ARMC9: variants seen among roughly 807,000 people sequenced by gnomAD.
The protein encoded by ARMC9 is lisH domain-containing protein ARMC9.
Under a neutral mutation model 107.0 loss-of-function variants are expected in ARMC9, and 94 were observed. That is an observed-to-expected ratio of 0.88 (90% CI 0.74 to 1.04). The LOEUF is 1.04. Ranked by LOEUF, ARMC9 falls within the 50% of genes least tolerant of loss-of-function variation. ARMC9 has a pLI of 0.00. For synonymous variants in ARMC9, 380 were observed against 396.9 expected, an observed-to-expected ratio of 0.96 and a Z score of 0.51; for missense variants, 942 against 1,030.1, an observed-to-expected ratio of 0.91 and a Z score of 1.17.
intron 19 of ARMC9, among the ~76,000 whole-genome samples, chr2:231,309,679 G>A (rs1316898535): frequency 2.0e-5 from 3 of 151,988 alleles, no homozygotes; most frequent in African/African-American, 7.2e-5. Flanking sequence ...CTTGAATTCT[G>A]AAGTTGGAAG....
intron 19 of ARMC9, among the ~76,000 whole-genome samples, chr2:231,317,484 A>C (rs2042767246): frequency 6.6e-6 from 1 of 150,954 alleles, no homozygotes; most frequent in African/African-American, 2.4e-5. Context: ...AACTTCTTGG[A>C]TCTATAAGTT....
chr2:231,240,703 C>T (rs2036214558), intron 9 of ARMC9, among the ~76,000 whole-genome samples: 1 of 152,166 alleles, frequency 6.6e-6, no homozygotes, highest in Non-Finnish European at 1.5e-5. Flanking sequence ...GCCTTCTTAT[C>T]TACCGTCCAT....
Position 231,374,141 on chromosome 2 carries a change from C to T in ARMC9, c.*2606C>T, listed in dbSNP as rs574415866. 6.6e-6 allele frequency: 1 copy of T among 152,150 alleles called. No homozygotes were observed. The highest frequency in any genetic ancestry group is 1.9e-4 in the East Asian group (1 of 5,198). 9.4% of individuals were successfully genotyped at this position (152,150 alleles called of 1,614,324 possible). ...TGCTGAGGATGGGTATGACCCCAGT[C>T]TAAGGGGAAAGAATCTAAAACACAA... is the stretch of plus-strand genomic sequence containing the variant. On this transcript the variant is annotated 3_prime_UTR_variant, in exon 25 of 25. Transcript: ENST00000611582.
chr2:231,231,116 C>T (rs1426298180), intron 7 of ARMC9, among the ~76,000 whole-genome samples: 1 of 152,180 alleles, frequency 6.6e-6, no homozygotes. Flanking sequence ...GCAGAATGAA[C>T]TTCCGGGGGG....
Position 231,373,131 on chromosome 2 carries a change from G to T in ARMC9, c.*1596G>T, listed in dbSNP as rs777234693. The T allele has an allele frequency of 2.6e-5, 4 of 152,252 alleles. No individual in the cohort carries two copies. The highest frequency in any genetic ancestry group is 9.7e-5 in the African/African-American group (4 of 41,444). The allele number at this position is 152,252 out of a possible 1,614,324, so 9.4% of individuals were successfully genotyped here. ...GGGAAGAAGGCTGCCGTCCTGACCT[G>T]TCAGCCACCAGGCCCTCTCTGAACT... On this transcript the variant is annotated 3_prime_UTR_variant, in exon 25 of 25. Coordinates refer to ENST00000611582, the MANE Select transcript of ARMC9 (RefSeq NM_001352754.2). This position sits in a 1 kb window ranked among gnomAD's most constrained non-coding sequence, Gnocchi z 4.4.
chr2:231,270,970 G>T lies in ARMC9; in HGVS notation c.1120-12G>T, dbSNP rs200447822. On this transcript the variant is annotated splice_polypyrimidine_tract_variant and intron_variant, in intron 12 of 24. Transcript: ENST00000611582. ...TCTTAACCTTGTTTTTCCTCTTGAC[G>T]TTTTCCCCCAGAGGAGTGTGCTTCA... 3 of 1,613,490 alleles carry T rather than the reference G, an allele frequency of 1.9e-6. No individual in the cohort carries two copies. In the East Asian group the frequency reaches 6.7e-5, roughly 36 times the overall value.
At chr2:231,256,321 TGGGTCTTGGATGTCG>T (rs1417124274) in intron 9 of ARMC9, 54 of 1,550,070 alleles carry the variant, frequency 3.5e-5, no homozygotes, top group Non-Finnish European at 4.4e-5. Context: ...GCTTGCTCGC[TGGGTCTTGGATGTCG>T]GGTTCGACCA....
At chr2:231,250,990 A>C (rs886149182) in intron 9 of ARMC9, among the ~76,000 whole-genome samples, 1 of 152,162 alleles carries the variant, frequency 6.6e-6, no homozygotes, top group African/African-American at 2.4e-5. Flanking sequence ...AGTAAATGTC[A>C]GTGAGTACAT....
intron 20 of ARMC9, among the ~76,000 whole-genome samples, chr2:231,334,820 T>C (rs1003246521): frequency 6.6e-6 from 1 of 152,152 alleles, no homozygotes; most frequent in Admixed American, 6.5e-5. Flanking sequence ...ATTCCCACCT[T>C]GTCATGCCCT....
chr2:231,274,203 C>T (rs1013959397), intron 14 of ARMC9, among the ~76,000 whole-genome samples: 21 of 152,256 alleles, frequency 1.4e-4, no homozygotes, highest in African/African-American at 4.8e-4. Context: ...CTGCAACCTC[C>T]GCCTCCCGGG....
intron 18 of ARMC9, among the ~76,000 whole-genome samples, chr2:231,292,760 C>A (rs1237926056): frequency 6.6e-6 from 1 of 152,246 alleles, no homozygotes; most frequent in East Asian, 1.9e-4. Flanking sequence ...ATGCGTGAAT[C>A]CCTTCTGCAC....
chr2:231,259,311 A>G (rs575115218), intron 11 of ARMC9, among the ~76,000 whole-genome samples: 2 of 152,236 alleles, frequency 1.3e-5, no homozygotes, highest in East Asian at 3.9e-4. Context: ...TTGTGATGTA[A>G]TGAGTTAGAT....
intron 19 of ARMC9, among the ~76,000 whole-genome samples, chr2:231,320,417 C>T (rs1227936478): frequency 3.3e-5 from 5 of 152,150 alleles, no homozygotes; most frequent in East Asian, 3.9e-4. Flanking sequence ...AAGTTGCTAA[C>T]GGTAGTATTC....
At chr2:231,334,637 G>C (rs1486174457) in intron 20 of ARMC9, among the ~76,000 whole-genome samples, 1 of 152,186 alleles carries the variant, frequency 6.6e-6, no homozygotes, top group African/African-American at 2.4e-5. Flanking sequence ...AGGATCTCAT[G>C]AATATTTTGA....
intron 9 of ARMC9, among the ~76,000 whole-genome samples, chr2:231,244,401 C>T (rs768626798): frequency 6.9e-6 from 1 of 144,720 alleles, no homozygotes; most frequent in Non-Finnish European, 1.5e-5. Flanking sequence ...GGGTCTCGCT[C>T]TGTTACCCAG....
At chr2:231,284,653 A>G (rs1574945861) in intron 17 of ARMC9, among the ~76,000 whole-genome samples, 1 of 152,200 alleles carries the variant, frequency 6.6e-6, no homozygotes, top group South Asian at 2.1e-4. Context: ...TGTCTTTTAG[A>G]AAAACCTACT....
chr2:231,366,565 A>C (rs1019150608), intron 23 of ARMC9, among the ~76,000 whole-genome samples: 2 of 151,996 alleles, frequency 1.3e-5, no homozygotes, highest in Admixed American at 6.6e-5. Flanking sequence ...AAATTGGGCC[A>C]GCTGCGGTGG....
chr2:231,370,170 C>T (rs1202153097), intron 24 of ARMC9, 45 bp downstream of exon 24: 1 of 1,468,662 alleles, frequency 6.8e-7, no homozygotes, highest in Admixed American at 2.3e-5. Flanking sequence ...TGGCCACCCG[C>T]CAACCTGCAG....
At chr2:231,272,584 T>C (rs546711095) in intron 13 of ARMC9, among the ~76,000 whole-genome samples, 19 of 152,124 alleles carry the variant, frequency 1.2e-4, no homozygotes, top group African/African-American at 4.6e-4. Flanking sequence ...TGGCACGATC[T>C]CAGGCTCACT....
Sources: allele counts gnomAD v4.1 joint callset (sites outside exome capture counted in the v4.1 genomes callset), GRCh38; gene constraint gnomAD v4.1.1; non-coding constraint Gnocchi (gnomAD v3.1); transcripts MANE v1.5; gene names NCBI Gene and HGNC (gene_info 2026-07-23, HGNC 2026-07-21).